Variants in PRKCE observed in about 807,000 individuals in gnomAD.
PRKCE encodes protein kinase C epsilon.
PRKCE carries 16 observed loss-of-function variants against 85.4 expected under a neutral mutation model. The ratio of observed to expected loss-of-function variants is 0.19; its 90% CI spans 0.13 to 0.28. The LOEUF (loss-of-function observed/expected upper bound fraction) is 0.28, where lower values mean the gene tolerates loss of function less well. PRKCE is among the 10% of genes least tolerant of loss of function. The pLI, the probability that PRKCE is intolerant of heterozygous loss-of-function variation, is 1.00. For synonymous variants in PRKCE, 388 were observed against 371.5 expected (o/e 1.04, Z -0.51); for missense variants, 573 against 975.2 (o/e 0.59, Z 5.49).
chr2:45,903,668 T>C (rs1156845406), intron 2 of PRKCE, among the ~76,000 whole-genome samples: 1 of 152,214 alleles, frequency 6.6e-6, no homozygotes, highest in East Asian at 1.9e-4. Flanking sequence ...TAACCCCATG[T>C]AAGATGTTCA....
chr2:45,868,957 CAAA>C (rs58698207), intron 2 of PRKCE, among the ~76,000 whole-genome samples: 50 of 112,066 alleles, frequency 4.5e-4, no homozygotes, highest in Middle Eastern at 4.3e-3. Flanking sequence ...CATCCTGTCT[CAAA>C]AAAAAAAAAA....
In PRKCE at chr2:46,103,534, C is replaced by T. The variant is rs889509590; in HGVS notation, c.1592+17172C>T. ...ATAATACACATATTAAGTATTTCTACAGTGGACCCTTGAAAAACATGGGAG... is the reference window on the plus strand; with the variant it reads ...ATAATACACATATTAAGTATTTCTATAGTGGACCCTTGAAAAACATGGGAG... On this transcript the variant is annotated intron_variant, in intron 11 of 14. Coordinates refer to ENST00000306156, the MANE Select transcript of PRKCE (RefSeq NM_005400.3). Among the ~76,000 whole-genome samples, 12 of 152,264 alleles carry T rather than the reference C, an allele frequency of 7.9e-5. No homozygotes were observed. The East Asian group carries it at 1.9e-3, about 25-fold the overall frequency.
chr2:45,995,132 A>G (rs1704113907), intron 6 of PRKCE, among the ~76,000 whole-genome samples: 2 of 151,946 alleles, frequency 1.3e-5, no homozygotes, highest in Admixed American at 6.6e-5. Context: ...TGGGTTATTC[A>G]TTTTGTTATT....
intron 11 of PRKCE, among the ~76,000 whole-genome samples, chr2:46,129,753 A>G (rs1347301288): frequency 6.6e-6 from 1 of 152,220 alleles, no homozygotes; most frequent in Non-Finnish European, 1.5e-5. Context: ...CCAGCAAACT[A>G]CAGGGCCCAG....
At chr2:45,993,807 T>A (rs1314238538) in intron 6 of PRKCE, among the ~76,000 whole-genome samples, 1 of 152,164 alleles carries the variant, frequency 6.6e-6, no homozygotes, top group Non-Finnish European at 1.5e-5. Context: ...ACAGTGCTGT[T>A]GCCTGGTCTC....
intron 1 of PRKCE, among the ~76,000 whole-genome samples, chr2:45,817,670 G>C (rs763690893): frequency 6.6e-6 from 1 of 152,102 alleles, no homozygotes; most frequent in Non-Finnish European, 1.5e-5. Context: ...CTCCAGCCTG[G>C]GCAACAGAGC....
At position 45,707,755 on chromosome 2, in the gene PRKCE, G is replaced by A. The variant is rs1297390657; in HGVS notation, c.348+55307G>A. Among the ~76,000 whole-genome samples, 3 of 152,216 alleles carry A rather than the reference G, an allele frequency of 2.0e-5. No homozygotes were observed. In the East Asian group the frequency reaches 5.8e-4, roughly 29 times the overall value. On this transcript the variant is annotated intron_variant, in intron 1 of 14. Transcript: ENST00000306156. Reference sequence around the variant, plus strand: ...ACGAATATGAAATAAAATGGAAATAGCTCCTGCATCCTCCCACACAGACGA... The same window carrying A: ...ACGAATATGAAATAAAATGGAAATAACTCCTGCATCCTCCCACACAGACGA...
At chr2:45,689,778 C>T (rs879769270) in intron 1 of PRKCE, among the ~76,000 whole-genome samples, 6 of 151,774 alleles carry the variant, frequency 4.0e-5, no homozygotes, top group Non-Finnish European at 8.8e-5. Flanking sequence ...TGACTGTAGT[C>T]CCAGCTACTT....
chr2:45,695,937 T>A (rs1678108611), intron 1 of PRKCE, among the ~76,000 whole-genome samples: 1 of 152,194 alleles, frequency 6.6e-6, no homozygotes, highest in Admixed American at 6.5e-5. Flanking sequence ...AATTTTTCTT[T>A]TTTTATTTTA....
intron 11 of PRKCE, among the ~76,000 whole-genome samples, chr2:46,103,696 G>A (rs187996557): frequency 6.6e-6 from 1 of 152,072 alleles, no homozygotes; most frequent in Non-Finnish European, 1.5e-5. Context: ...TATTTTGTAT[G>A]TTACATGTAT....
chr2:46,148,295 C>T (rs1037968862), intron 12 of PRKCE, among the ~76,000 whole-genome samples: 3 of 152,224 alleles, frequency 2.0e-5, no homozygotes, highest in African/African-American at 7.2e-5. Flanking sequence ...GAAGCCTTGC[C>T]CTTCTGCCCA....
At position 45,661,275 on chromosome 2, in the gene PRKCE, C is replaced by T. The variant is rs368309481; in HGVS notation, c.348+8827C>T. On this transcript the variant is annotated intron_variant, in intron 1 of 14. Transcript: ENST00000306156. ...TCGGATCACTGCAACCTCTGCCTCCCGGGTTCAAGCGATTCTCCTGTCTCA... is the reference window on the plus strand; with the variant it reads ...TCGGATCACTGCAACCTCTGCCTCCTGGGTTCAAGCGATTCTCCTGTCTCA... Among the ~76,000 whole-genome samples, 12 of 151,936 alleles carry T rather than the reference C, an allele frequency of 7.9e-5. No individual in the cohort carries two copies. The South Asian group carries it at 8.3e-4, about 11-fold the overall frequency.
chr2:45,833,528 C>T (rs796291257), intron 1 of PRKCE, among the ~76,000 whole-genome samples: 2 of 152,194 alleles, frequency 1.3e-5, no homozygotes, highest in South Asian at 4.1e-4. Context: ...ACCATCTCCT[C>T]GAATCCTCCC....
At chr2:46,179,593 C>A (rs1679771932) in intron 14 of PRKCE, among the ~76,000 whole-genome samples, 1 of 152,176 alleles carries the variant, frequency 6.6e-6, no homozygotes, top group Non-Finnish European at 1.5e-5. Context: ...CCTCTAACAT[C>A]AGCCACAGGG....
At chr2:46,011,816 A>G (rs554069560) in intron 10 of PRKCE, among the ~76,000 whole-genome samples, 1 of 152,264 alleles carries the variant, frequency 6.6e-6, no homozygotes, top group Admixed American at 6.5e-5. Context: ...CCCATTCCAT[A>G]CTGAGGAACC....
At chr2:46,111,232 C>A (rs1201126909) in intron 11 of PRKCE, among the ~76,000 whole-genome samples, 2 of 152,104 alleles carry the variant, frequency 1.3e-5, no homozygotes, top group East Asian at 1.9e-4. Context: ...TTCAGGTCAA[C>A]TATATCCTTA....
intron 10 of PRKCE, among the ~76,000 whole-genome samples, chr2:46,065,066 C>T (rs778130568): frequency 4.5e-4 from 69 of 152,162 alleles, no homozygotes; most frequent in East Asian, 1.9e-4. Context: ...TTAAATTATT[C>T]CACACTTCAG....
chr2:46,158,357 G>A (rs1371945716), intron 13 of PRKCE, among the ~76,000 whole-genome samples: 1 of 152,150 alleles, frequency 6.6e-6, no homozygotes, highest in Admixed American at 6.5e-5. Flanking sequence ...AGGCTGAGGA[G>A]CTCCTGTGTG....
chr2:45,791,581 G>A lies in PRKCE; in HGVS notation c.349-51419G>A, dbSNP rs77108508. On this transcript the variant is annotated intron_variant, in intron 1 of 14. Transcript: ENST00000306156. Reference sequence around the variant, plus strand: ...TCTTTCTTGAAGAATGGGGTCAATTGATTGATCTTGAGTAAACAAATAGTA... The same window carrying A: ...TCTTTCTTGAAGAATGGGGTCAATTAATTGATCTTGAGTAAACAAATAGTA... 6.3e-3 allele frequency among the ~76,000 whole-genome samples: 960 copies of A among 152,304 alleles called. 26 individuals carry two copies. Among genetic ancestry groups the A allele is most frequent in the East Asian group, 0.045 (234 of 5,194 alleles).
Sources: gnomAD v4.1 joint callset for allele counts (sites outside exome capture counted in the v4.1 genomes callset) on GRCh38, gnomAD v4.1.1 for gene constraint, MANE v1.5 for transcripts, NCBI Gene and HGNC (gene_info 2026-07-23, HGNC 2026-07-21) for gene names.